CDYL: variants seen among roughly 807,000 people sequenced by gnomAD.
CDYL encodes chromodomain Y-like protein.
In CDYL, 8 loss-of-function variants were observed where a neutral mutation model predicts 47.3. The observed-to-expected ratio is 0.17, with a 90% CI of 0.10 to 0.31. The LOEUF (loss-of-function observed/expected upper bound fraction) is 0.31, where lower values mean the gene tolerates loss of function less well. CDYL is among the 10% of genes least tolerant of loss of function. CDYL has a pLI of 1.00. For synonymous variants in CDYL, 266 were observed against 265.0 expected, an observed-to-expected ratio of 1.00 and a Z score of -0.04; for missense variants, 471 against 701.4, an observed-to-expected ratio of 0.67 and a Z score of 3.71.
intron 2 of CDYL, among the ~76,000 whole-genome samples, chr6:4,929,488 T>C (rs1186432202): frequency 4.7e-5 from 3 of 64,290 alleles, no homozygotes; most frequent in East Asian, 8.9e-4. Flanking sequence ...TGCAAATGTT[T>C]TACTTACACA....
At position 4,715,244 on chromosome 6, in the gene CDYL, G is replaced by C. The variant is rs1757232124; in HGVS notation, c.-38-497G>C. On this transcript the variant is annotated intron_variant, in intron 1 of 8. Coordinates refer to the CDYL transcript ENST00000328908. ...TTCAGACCTTTTGTATAAGACGTCA[G>C]TTATGTCTTCCTACCAGACTGTAGA... 2.6e-5 allele frequency among the ~76,000 whole-genome samples: 4 copies of C among 152,188 alleles called. No individual in the cohort carries two copies. The South Asian group carries it at 8.3e-4, about 32-fold the overall frequency.
intron 1 of CDYL, among the ~76,000 whole-genome samples, chr6:4,808,878 C>G (rs567379727): frequency 6.6e-6 from 1 of 152,184 alleles, no homozygotes; most frequent in African/African-American, 2.4e-5. Flanking sequence ...TAATTTGTTA[C>G]TGCTTGGATT....
At chr6:4,718,289 G>A (rs1757307450) in intron 2 of CDYL, among the ~76,000 whole-genome samples, 1 of 151,786 alleles carries the variant, frequency 6.6e-6, no homozygotes, top group Non-Finnish European at 1.5e-5. Flanking sequence ...GTTTTTTTCT[G>A]TTTTTCGTTT....
At chr6:4,833,832 CTTCT>C (rs1760216643) in intron 1 of CDYL, among the ~76,000 whole-genome samples, 1 of 151,918 alleles carries the variant, frequency 6.6e-6, no homozygotes. Context: ...ATGTAATGGC[CTTCT>C]TTGTCTCCTT....
At chr6:4,866,755 A>G (rs1442001137) in intron 1 of CDYL, among the ~76,000 whole-genome samples, 1 of 152,116 alleles carries the variant, frequency 6.6e-6, no homozygotes, top group Non-Finnish European at 1.5e-5. Flanking sequence ...ACCCAAATTG[A>G]CTAAAAAAGA....
At chr6:4,815,049 A>T (rs78277593) in intron 1 of CDYL, among the ~76,000 whole-genome samples, 3 of 152,024 alleles carry the variant, frequency 2.0e-5, no homozygotes, top group African/African-American at 7.2e-5. Flanking sequence ...CTTCTCTTCA[A>T]TCCCAAAGTC....
rs537519688 is a variant in CDYL at position 4,950,019 on chromosome 6, G to A, written c.1333-2247G>A. ...AGGGATGAGCAGGCCTGGAGCCGGC[G>A]GGGCTGTGGAGGAAGACCGGCCGCA... On this transcript the variant is annotated intron_variant, in intron 5 of 6. Transcript: ENST00000397588. Among the ~76,000 whole-genome samples, 20 of 152,244 alleles carry A rather than the reference G, an allele frequency of 1.3e-4. No homozygotes were observed. The East Asian group carries it at 3.3e-3, about 25-fold the overall frequency.
At chr6:4,945,459 C>A (rs1371273427) in intron 5 of CDYL, among the ~76,000 whole-genome samples, 1 of 152,194 alleles carries the variant, frequency 6.6e-6, no homozygotes, top group Non-Finnish European at 1.5e-5. Flanking sequence ...TAGTTCCCCT[C>A]ACCCATAGCT....
chr6:4,865,094 C>G (rs1351081220), intron 1 of CDYL, among the ~76,000 whole-genome samples: 2 of 152,178 alleles, frequency 1.3e-5, no homozygotes, highest in African/African-American at 4.8e-5. Flanking sequence ...CCTGCCAGTT[C>G]TAATCAGTAG....
At chr6:4,898,957 A>G (rs989317961) in intron 2 of CDYL, among the ~76,000 whole-genome samples, 3 of 152,206 alleles carry the variant, frequency 2.0e-5, no homozygotes, top group African/African-American at 7.2e-5. Flanking sequence ...TGTGTAAAGC[A>G]TGCTCGTAAT....
intron 2 of CDYL, among the ~76,000 whole-genome samples, chr6:4,905,319 A>T (rs62384663): frequency 6.6e-6 from 1 of 152,202 alleles, no homozygotes; most frequent in Non-Finnish European, 1.5e-5. Flanking sequence ...CACTCCGTCA[A>T]CCAACTTAGC....
At chr6:4,769,946 G>A (rs1248104853) in intron 3 of CDYL, among the ~76,000 whole-genome samples, 4 of 151,024 alleles carry the variant, frequency 2.6e-5, no homozygotes, top group African/African-American at 4.9e-5. Context: ...ACAGGCGACC[G>A]CCACCACGCC....
intron 2 of CDYL, among the ~76,000 whole-genome samples, chr6:4,895,679 G>A (rs1020507840): frequency 5.3e-5 from 8 of 152,032 alleles, no homozygotes; most frequent in African/African-American, 1.4e-4. Context: ...CCTCCAATGC[G>A]ATCTTGCTGG....
intron 1 of CDYL, among the ~76,000 whole-genome samples, chr6:4,712,536 C>T (rs965819931): frequency 1.6e-4 from 25 of 152,206 alleles, no homozygotes; most frequent in Non-Finnish European, 3.1e-4. Flanking sequence ...GGCCACCTCC[C>T]ACCCGGGCAC....
At chr6:4,735,909 G>C (rs1279410000) in intron 3 of CDYL, among the ~76,000 whole-genome samples, 1 of 152,118 alleles carries the variant, frequency 6.6e-6, no homozygotes, top group Admixed American at 6.5e-5. Flanking sequence ...ACGTGATGGG[G>C]GGGGGTGGGA....
At chr6:4,782,494 A>G (rs1265610934) in intron 1 of CDYL, among the ~76,000 whole-genome samples, 1 of 152,104 alleles carries the variant, frequency 6.6e-6, no homozygotes, top group Admixed American at 6.5e-5. Flanking sequence ...TTTCAACTCT[A>G]GAATGGAGAA....
intron 5 of CDYL, among the ~76,000 whole-genome samples, chr6:4,949,646 TCAGGTTCCCACCGCCTGCATCTGTG>T (rs1758636704): frequency 6.6e-6 from 1 of 152,248 alleles, no homozygotes; most frequent in Non-Finnish European, 1.5e-5. Context: ...TGCTAGCTGG[TCAGGTTCCCACCGCCTGCATCTGTG>T]TGAATCGGTT....
At chr6:4,724,913 T>G (rs1757477459) in intron 2 of CDYL, 2 of 152,228 alleles carry the variant, frequency 1.3e-5, no homozygotes, top group Admixed American at 6.5e-5. Flanking sequence ...CCTGCTTTTA[T>G]TCTCTTACCT....
In CDYL at chr6:4,935,541, A is replaced by G. The variant is rs371162404; in HGVS notation, c.718A>G (p.Thr240Ala). 4.0e-5 allele frequency: 64 copies of G among 1,614,082 alleles called. No homozygotes were observed. The highest frequency in any genetic ancestry group is 5.0e-5 in the Admixed American group (3 of 60,012). The change falls in exon 3 of 7, where the codon ACA becomes GCA. Residue 240 changes from threonine (T) to alanine (A), a missense_variant. Thr to Ala is a moderately conservative substitution (Grantham distance 58, BLOSUM62 0). Transcript: ENST00000397588. ...KGTSPFMDAL[T>A]ANGTTNIQTS... is the part of the protein sequence containing the mutation. ...TACATCTCCGTTCATGGATGCATTAACAGCCAATGGGACAACCAACATACA... is the reference window on the plus strand; with the variant it reads ...TACATCTCCGTTCATGGATGCATTAGCAGCCAATGGGACAACCAACATACA...
Sources: gnomAD v4.1 joint callset for allele counts (sites outside exome capture counted in the v4.1 genomes callset) on GRCh38, gnomAD v4.1.1 for gene constraint, MANE v1.5 for transcripts, NCBI Gene and HGNC (gene_info 2026-07-23, HGNC 2026-07-21) for gene names.